EXT1: variants seen among roughly 807,000 people sequenced by gnomAD.
EXT1 encodes the protein exostosin glycosyltransferase 1.
A neutral mutation model predicts 82.5 loss-of-function variants in EXT1; 20 were observed. That is an observed-to-expected ratio of 0.24 (90% CI 0.17 to 0.35). EXT1 has a LOEUF of 0.35. Among genes scored for constraint, EXT1 ranks in the 10% least tolerant of loss-of-function variants. The pLI, the probability that EXT1 is intolerant of heterozygous loss-of-function variation, is 1.00. For missense variants in EXT1, 757 were observed against 936.5 expected, an observed-to-expected ratio of 0.81 and a Z score of 2.50; for synonymous variants, 348 against 350.8, an observed-to-expected ratio of 0.99 and a Z score of 0.09.
chr8:117,878,703 C>T (rs778085481), intron 1 of EXT1, among the ~76,000 whole-genome samples: 1 of 152,206 alleles, frequency 6.6e-6, no homozygotes, highest in Non-Finnish European at 1.5e-5. Context: ...AATGCAACTA[C>T]CTCAATGCCC....
chr8:117,811,002 G>T (rs773345976), intron 8 of EXT1, among the ~76,000 whole-genome samples: 25 of 152,136 alleles, frequency 1.6e-4, no homozygotes, highest in Non-Finnish European at 2.9e-4. Context: ...TTGAAAGAAG[G>T]AGTTCCTTCT....
In EXT1 at chr8:117,835,497, C is replaced by T. The variant is rs1248648070; in HGVS notation, c.1111G>A (p.Val371Met). Residue 371 changes from valine (V) to methionine (M), a missense_variant, in exon 3 of 11, where the codon GTG (valine) becomes ATG (methionine). Around this residue, in one of 4 missense-constraint regions of EXT1, gnomAD observed 247 missense variants for 330.1 expected, o/e 0.75. Transcript: ENST00000378204. ...SNGWELPFSE[V>M]INWNQAAVIG... ...ACGGCAGCTTGGTTCCAATTAATCA[C>T]TTCAGAGAATGGCAACTCCCATCCA... The T allele has an allele frequency of 1.9e-6, 3 of 1,614,146 alleles. No individual in the cohort carries two copies. The highest frequency in any genetic ancestry group is 1.3e-5 in the African/African-American group (1 of 75,042).
chr8:118,000,769 T>C (rs1266197966), intron 1 of EXT1, among the ~76,000 whole-genome samples: 1 of 151,782 alleles, frequency 6.6e-6, no homozygotes, highest in Non-Finnish European at 1.5e-5. Context: ...ACCTGGCAAA[T>C]CATCACATCA....
intron 1 of EXT1, among the ~76,000 whole-genome samples, chr8:117,864,300 C>T (rs189579591): frequency 6.6e-6 from 1 of 152,328 alleles, no homozygotes; most frequent in Admixed American, 6.5e-5. Flanking sequence ...CAGTGATTTA[C>T]ACACACAGCA....
intron 1 of EXT1, among the ~76,000 whole-genome samples, chr8:117,858,830 AAGGAAGG>A (rs1563582195): frequency 4.3e-5 from 2 of 46,104 alleles, no homozygotes; most frequent in Admixed American, 2.2e-4. Context: ...GGAAGGAAGG[AAGGAAGG>A]AAGGAAGGAA....
intron 1 of EXT1, among the ~76,000 whole-genome samples, chr8:117,937,789 T>C (rs1048085052): frequency 2.0e-5 from 3 of 151,904 alleles, no homozygotes; most frequent in East Asian, 1.9e-4. Flanking sequence ...AGAAAAAGAG[T>C]GTGTGAATGT....
intron 1 of EXT1, among the ~76,000 whole-genome samples, chr8:117,984,030 A>G (rs1815260647): frequency 6.6e-6 from 1 of 152,226 alleles, no homozygotes. Context: ...TGCTAAAGCT[A>G]GATAGATTAA....
chr8:117,860,607 C>T (rs988867106), intron 1 of EXT1, among the ~76,000 whole-genome samples: 1 of 152,216 alleles, frequency 6.6e-6, no homozygotes, highest in Non-Finnish European at 1.5e-5. Flanking sequence ...TGGAGAATCA[C>T]AAGCAGTATC....
intron 4 of EXT1, among the ~76,000 whole-genome samples, chr8:117,824,714 G>C (rs749417966): frequency 2.0e-5 from 3 of 152,062 alleles, no homozygotes; most frequent in Non-Finnish European, 2.9e-5. Context: ...ACATAATACA[G>C]CTATTTTTAC....
chr8:117,982,174 G>A (rs910030246), intron 1 of EXT1, among the ~76,000 whole-genome samples: 3 of 152,162 alleles, frequency 2.0e-5, no homozygotes, highest in East Asian at 1.9e-4. Flanking sequence ...AGTCGGCCAC[G>A]TCCTTGTCTA....
chr8:118,006,802 G>C (rs1161195329), intron 1 of EXT1, among the ~76,000 whole-genome samples: 2 of 152,184 alleles, frequency 1.3e-5, no homozygotes, highest in South Asian at 4.1e-4. Flanking sequence ...ACAACAGGTT[G>C]TAAGAGTGGC....
chr8:118,111,446 C>T lies in EXT1; in HGVS notation c.-400G>A. The T allele has an allele frequency of 3.8e-6, 2 of 532,760 alleles. No homozygotes were observed. Among genetic ancestry groups the T allele is most frequent in the Non-Finnish European group, 6.6e-6 (2 of 304,784 alleles). 33.0% of individuals were successfully genotyped at this position (532,760 alleles called of 1,614,324 possible). ...ATTGCCTTGCCTCTCGGATTCCTCTCGGCAGCGTGGAAAATGAGCCCCGGG... is the reference window on the plus strand; with the variant it reads ...ATTGCCTTGCCTCTCGGATTCCTCTTGGCAGCGTGGAAAATGAGCCCCGGG... On this transcript the variant is annotated 5_prime_UTR_variant, in exon 1 of 11. Transcript: ENST00000378204.
chr8:118,003,702 C>G (rs188882075), intron 1 of EXT1, among the ~76,000 whole-genome samples: 1 of 152,290 alleles, frequency 6.6e-6, no homozygotes, highest in East Asian at 1.9e-4. Context: ...ACTTACTCTA[C>G]TTTGATTTCA....
chr8:118,041,759 C>G (rs895853322), intron 1 of EXT1, among the ~76,000 whole-genome samples: 28 of 151,578 alleles, frequency 1.8e-4, no homozygotes, highest in Non-Finnish European at 3.8e-4. Flanking sequence ...CCAGCCTGGC[C>G]AACATGGCGA....
At chr8:118,067,345 G>A (rs934091235) in intron 1 of EXT1, among the ~76,000 whole-genome samples, 11 of 152,194 alleles carry the variant, frequency 7.2e-5, no homozygotes, top group African/African-American at 2.2e-4. Flanking sequence ...TACTTATGCA[G>A]GCATAGCTTG....
At chr8:117,834,249 G>A (rs947911529) in intron 3 of EXT1, among the ~76,000 whole-genome samples, 1 of 152,190 alleles carries the variant, frequency 6.6e-6, no homozygotes, top group Non-Finnish European at 1.5e-5. Context: ...TTTAGGGAAA[G>A]TGCTGTATTA....
At chr8:117,866,457 G>A (rs566152039) in intron 1 of EXT1, among the ~76,000 whole-genome samples, 4 of 152,072 alleles carry the variant, frequency 2.6e-5, no homozygotes, top group South Asian at 2.1e-4. Context: ...CCAGCCAGCC[G>A]ACTGAACAGG....
At chr8:117,979,259 C>A (rs148766967) in intron 1 of EXT1, among the ~76,000 whole-genome samples, 1 of 151,748 alleles carries the variant, frequency 6.6e-6, no homozygotes, top group African/African-American at 2.4e-5. Context: ...GAGGCTGAGG[C>A]AGAAGAATTG....
intron 7 of EXT1, among the ~76,000 whole-genome samples, chr8:117,815,329 G>T (rs573143314): frequency 4.6e-5 from 7 of 152,280 alleles, no homozygotes; most frequent in African/African-American, 1.7e-4. Flanking sequence ...TTAAAATGGA[G>T]AATGAGGAAG....
Sources: allele counts gnomAD v4.1 joint callset (sites outside exome capture counted in the v4.1 genomes callset), GRCh38; gene constraint gnomAD v4.1.1; regional missense constraint gnomAD v4.1.1; transcripts MANE v1.5; gene names NCBI Gene and HGNC (gene_info 2026-07-23, HGNC 2026-07-21).